ZC2HC1A: variants seen among roughly 807,000 people sequenced by gnomAD.
The protein encoded by ZC2HC1A is zinc finger C2HC-type containing 1A.
ZC2HC1A carries 28 observed loss-of-function variants against 40.7 expected under a neutral mutation model. That is an observed-to-expected ratio of 0.69 (90% confidence interval 0.51 to 0.94). ZC2HC1A has a LOEUF of 0.94. Among genes scored for constraint, ZC2HC1A ranks in the 40% least tolerant of loss-of-function variants. ZC2HC1A has a pLI of 0.00. For missense variants in ZC2HC1A, 389 were observed against 386.3 expected (o/e 1.01, Z -0.06); for synonymous variants, 129 against 129.2 (o/e 1.00, Z 0.01).
chr8:78,681,901 C>CTTTTTTTTTTTTTTTTTTT (rs56181953), intron 3 of ZC2HC1A, among the ~76,000 whole-genome samples: 4 of 126,472 alleles, frequency 3.2e-5, no homozygotes, highest in Non-Finnish European at 5.1e-5. Context: ...CTTTTTCTTT[C>CTTTTTTTTTTTTTTTTTTT]TTTTTTTTTT....
intron 7 of ZC2HC1A, among the ~76,000 whole-genome samples, chr8:78,701,134 T>G (rs1810589204): frequency 6.6e-6 from 1 of 152,230 alleles, no homozygotes; most frequent in African/African-American, 2.4e-5. Context: ...GCATGGAATA[T>G]TTTTTCATTT....
intron 3 of ZC2HC1A, among the ~76,000 whole-genome samples, chr8:78,682,186 G>C (rs1809809515): frequency 6.6e-6 from 1 of 152,138 alleles, no homozygotes; most frequent in African/African-American, 2.4e-5. Flanking sequence ...ATCATGTTTA[G>C]TGGAGGACAC....
intron 5 of ZC2HC1A, among the ~76,000 whole-genome samples, chr8:78,696,022 A>C (rs1438738549): frequency 2.0e-5 from 3 of 151,958 alleles, no homozygotes; most frequent in African/African-American, 7.3e-5. Flanking sequence ...GAAAATGATA[A>C]TTTAAAACCA....
intron 3 of ZC2HC1A, among the ~76,000 whole-genome samples, chr8:78,683,010 G>T (rs1157087706): frequency 6.6e-6 from 1 of 152,174 alleles, no homozygotes; most frequent in Non-Finnish European, 1.5e-5. Flanking sequence ...TCACATCCAG[G>T]TCATGCTGGT....
intron 7 of ZC2HC1A, among the ~76,000 whole-genome samples, chr8:78,713,369 C>A (rs894829709): frequency 4.6e-5 from 7 of 151,810 alleles, no homozygotes; most frequent in African/African-American, 1.7e-4. Flanking sequence ...TTTTGAACAA[C>A]CTCAAGTTAC....
At chr8:78,712,630 GC>G (rs2130606818) in intron 7 of ZC2HC1A, among the ~76,000 whole-genome samples, 1 of 152,224 alleles carries the variant, frequency 6.6e-6, no homozygotes, top group East Asian at 1.9e-4. Context: ...GTATGACACT[GC>G]CAAAGAGTCA....
intron 1 of ZC2HC1A, among the ~76,000 whole-genome samples, chr8:78,671,943 A>T (rs1035172830): frequency 2.0e-5 from 3 of 152,166 alleles, no homozygotes; most frequent in African/African-American, 7.2e-5. Flanking sequence ...AAATTACCGT[A>T]CGTTACAGAT....
chr8:78,700,122 G>T (rs536435980), intron 7 of ZC2HC1A, among the ~76,000 whole-genome samples: 47 of 152,178 alleles, frequency 3.1e-4, no homozygotes, highest in African/African-American at 1.1e-3. Flanking sequence ...AACCTCACCA[G>T]TGTCTGTTAT....
At chr8:78,666,436 C>G (rs1809300226) in intron 1 of ZC2HC1A, among the ~76,000 whole-genome samples, 1 of 152,246 alleles carries the variant, frequency 6.6e-6, no homozygotes. Flanking sequence ...CTGCACGTCT[C>G]TTCCTACCAT....
chr8:78,676,087 T>C (rs939876355), intron 2 of ZC2HC1A: 68 of 362,406 alleles, frequency 1.9e-4, no homozygotes, highest in Non-Finnish European at 1.5e-5. Flanking sequence ...TTAAAGGTAT[T>C]CCTCATTTTA....
chr8:78,668,102 T>G (rs1459674314), intron 1 of ZC2HC1A, among the ~76,000 whole-genome samples: 1 of 152,188 alleles, frequency 6.6e-6, no homozygotes. Flanking sequence ...TTCAATCTAA[T>G]AAAAGCTCTT....
chr8:78,673,319 T>C (rs566961403), intron 1 of ZC2HC1A, among the ~76,000 whole-genome samples: 12 of 152,312 alleles, frequency 7.9e-5, no homozygotes, highest in African/African-American at 2.6e-4. Context: ...CTATCATTGA[T>C]GGGCATTTGG....
chr8:78,678,448 T>C, intron 2 of ZC2HC1A, 115 bp from the exon 3 acceptor site: 1 of 720,664 alleles, frequency 1.4e-6, no homozygotes, highest in East Asian at 2.6e-5. Flanking sequence ...TTATTTTGTA[T>C]TCAGGTTTTT....
At chr8:78,698,312 G>T in intron 6 of ZC2HC1A, 102 bp from the exon 7 acceptor site, 1 of 942,990 alleles carries the variant, frequency 1.1e-6, no homozygotes, top group Non-Finnish European at 1.5e-6. Flanking sequence ...TTGATTTATA[G>T]TTGCAAAGAT....
intron 7 of ZC2HC1A, among the ~76,000 whole-genome samples, chr8:78,699,161 G>T (rs976459185): frequency 4.6e-5 from 7 of 152,150 alleles, no homozygotes; most frequent in Non-Finnish European, 7.4e-5. Flanking sequence ...TGAACTCCAT[G>T]TGTAGTATGA....
At chr8:78,682,481 C>A (rs564658696) in intron 3 of ZC2HC1A, among the ~76,000 whole-genome samples, 15 of 152,218 alleles carry the variant, frequency 9.9e-5, no homozygotes, top group Admixed American at 2.0e-4. Flanking sequence ...GGGAACTTCC[C>A]TTTTTAATAA....
chr8:78,712,591 T>TTGTAAATTC (rs1810985145), intron 7 of ZC2HC1A, among the ~76,000 whole-genome samples: 1 of 152,136 alleles, frequency 6.6e-6, no homozygotes, highest in Non-Finnish European at 1.5e-5. Context: ...TGTTAGATGG[T>TTGTAAATTC]TGTAAATTCT....
chr8:78,713,564 C>A (rs1398581896), intron 7 of ZC2HC1A, among the ~76,000 whole-genome samples: 1 of 152,042 alleles, frequency 6.6e-6, no homozygotes, highest in Non-Finnish European at 1.5e-5. Flanking sequence ...TCTACAACAT[C>A]CCCAAAGAGG....
rs895489425 is a variant in ZC2HC1A, at chr8:78,688,465, A to C, written c.353-757A>C. Among the ~76,000 whole-genome samples the C allele has an allele frequency of 4.6e-5, 7 of 152,340 alleles. 1 individual carries two copies. The highest frequency in any genetic ancestry group is 1.0e-4 in the Non-Finnish European group (7 of 68,014). Reference sequence around the variant, plus strand: ...AAAAGGGCAAACTCTGTATCAAAAAAGTAAACCTGTTAAAATAAGTTGTAA... The same window carrying C: ...AAAAGGGCAAACTCTGTATCAAAAACGTAAACCTGTTAAAATAAGTTGTAA... On this transcript the variant is annotated intron_variant, in intron 4 of 8. Coordinates refer to ENST00000263849, the MANE Select transcript of ZC2HC1A (RefSeq NM_016010.3).
Sources: gnomAD v4.1 joint callset for allele counts (sites outside exome capture counted in the v4.1 genomes callset) on GRCh38, gnomAD v4.1.1 for gene constraint, MANE v1.5 for transcripts, NCBI Gene and HGNC (gene_info 2026-07-23, HGNC 2026-07-21) for gene names.